NRXN3: variants seen among roughly 807,000 people sequenced by gnomAD.
The protein encoded by NRXN3 is neurexin III.
Under a neutral mutation model 137.6 loss-of-function variants are expected in NRXN3, and 32 were observed. The observed-to-expected ratio is 0.23, with a 90% confidence interval of 0.18 to 0.31. The LOEUF (loss-of-function observed/expected upper bound fraction) is 0.31. NRXN3 is among the 10% of genes least tolerant of loss of function. The probability of loss-of-function intolerance (pLI) is 1.00; values close to 1 mark genes in which losing one functional copy is unlikely to be tolerated. For missense variants in NRXN3, 1,574 were observed against 2,062.5 expected (o/e 0.76, Z 4.59); for synonymous variants, 798 against 784.5 (o/e 1.02, Z -0.29).
At chr14:78,363,442 G>A (rs1010266662) in intron 4 of NRXN3, among the ~76,000 whole-genome samples, 7 of 152,174 alleles carry the variant, frequency 4.6e-5, no homozygotes, top group South Asian at 2.1e-4. Flanking sequence ...ATTCTATCAG[G>A]TATAGCTGCT....
chr14:79,204,628 A>G (rs935278142), intron 15 of NRXN3, among the ~76,000 whole-genome samples: 2 of 152,146 alleles, frequency 1.3e-5, no homozygotes, highest in Admixed American at 6.6e-5. Flanking sequence ...TTAAGTCATC[A>G]TCAATTAAAC....
chr14:78,983,234 G>A (rs544549175), intron 14 of NRXN3, among the ~76,000 whole-genome samples: 1 of 152,308 alleles, frequency 6.6e-6, no homozygotes, highest in South Asian at 2.1e-4. Flanking sequence ...AAAACAGAAT[G>A]GAGGTTCCTC....
chr14:79,436,509 T>G (rs2095847970), intron 15 of NRXN3, among the ~76,000 whole-genome samples: 1 of 152,188 alleles, frequency 6.6e-6, no homozygotes, highest in Non-Finnish European at 1.5e-5. Flanking sequence ...CCCAGCTGTA[T>G]GCCACTGGCT....
At chr14:78,950,838 G>A (rs2099385766) in intron 10 of NRXN3, among the ~76,000 whole-genome samples, 1 of 152,140 alleles carries the variant, frequency 6.6e-6, no homozygotes, top group African/African-American at 2.4e-5. Context: ...CCGGGAGCTG[G>A]TTATCAAGTG....
At chr14:78,881,545 C>T (rs1186199226) in intron 10 of NRXN3, among the ~76,000 whole-genome samples, 3 of 151,184 alleles carry the variant, frequency 2.0e-5, no homozygotes, top group African/African-American at 7.4e-5. Flanking sequence ...GGCATTTTGC[C>T]CCTGCTCTAG....
chr14:79,748,263 A>G (rs1239827462), intron 19 of NRXN3, among the ~76,000 whole-genome samples: 1 of 152,160 alleles, frequency 6.6e-6, no homozygotes, highest in East Asian at 1.9e-4. Flanking sequence ...AACTTAAAAA[A>G]AAGCGCCTCT....
At chr14:79,752,008 A>C (rs1218678296) in intron 19 of NRXN3, among the ~76,000 whole-genome samples, 2 of 152,184 alleles carry the variant, frequency 1.3e-5, no homozygotes, top group African/African-American at 2.4e-5. Context: ...ATCAATGTTC[A>C]TCAAGGATAT....
chr14:79,079,845 G>A (rs148134779), intron 15 of NRXN3, among the ~76,000 whole-genome samples: 4,389 of 151,982 alleles, frequency 0.029, 209 homozygotes, highest in African/African-American at 0.1. Flanking sequence ...AAAATTAGCC[G>A]GGCGTGGTGG....
At chr14:78,707,464 C>T (rs1239067362) in intron 6 of NRXN3, among the ~76,000 whole-genome samples, 1 of 152,098 alleles carries the variant, frequency 6.6e-6, no homozygotes, top group Non-Finnish European at 1.5e-5. Context: ...AATTTCAGTT[C>T]AAATAAGAGT....
chr14:78,770,852 G>A (rs980028115), intron 8 of NRXN3, among the ~76,000 whole-genome samples: 1 of 148,722 alleles, frequency 6.7e-6, no homozygotes, highest in South Asian at 2.2e-4. Flanking sequence ...TTTGGGGTTG[G>A]GGGGGGTACA....
At chr14:78,834,697 T>C (rs2098991447) in intron 10 of NRXN3, among the ~76,000 whole-genome samples, 2 of 152,138 alleles carry the variant, frequency 1.3e-5, no homozygotes, top group South Asian at 4.1e-4. Context: ...TCTCCTGAAC[T>C]GTGTTCCTGA....
At chr14:79,059,769 T>C (rs1273980942) in intron 15 of NRXN3, among the ~76,000 whole-genome samples, 1 of 152,172 alleles carries the variant, frequency 6.6e-6, no homozygotes, top group Non-Finnish European at 1.5e-5. Flanking sequence ...GGATGGTAGA[T>C]GAATATGAGG....
chr14:79,229,788 A>G (rs1033758656), intron 15 of NRXN3, among the ~76,000 whole-genome samples: 2 of 152,076 alleles, frequency 1.3e-5, no homozygotes, highest in African/African-American at 4.8e-5. Flanking sequence ...TTGCGCTGCC[A>G]GCAACAAGCC....
intron 15 of NRXN3, among the ~76,000 whole-genome samples, chr14:79,275,525 C>T (rs1417660869): frequency 6.6e-6 from 1 of 152,038 alleles, no homozygotes; most frequent in Admixed American, 6.5e-5. Flanking sequence ...ATGTACAGTA[C>T]TGTAGAAAAC....
intron 4 of NRXN3, among the ~76,000 whole-genome samples, chr14:78,568,615 G>T (rs183488513): frequency 2.1e-3 from 324 of 152,232 alleles, no homozygotes; most frequent in Non-Finnish European, 3.4e-3. Context: ...TCTTTACACC[G>T]ATTATCTTGT....
chr14:78,785,879 A>C (rs1190482625), intron 8 of NRXN3, among the ~76,000 whole-genome samples: 1 of 152,196 alleles, frequency 6.6e-6, no homozygotes, highest in Non-Finnish European at 1.5e-5. Context: ...ACCTTGATGA[A>C]ACTATATGAT....
intron 6 of NRXN3, among the ~76,000 whole-genome samples, chr14:78,704,892 G>T (rs2098329976): frequency 6.6e-6 from 1 of 152,080 alleles, no homozygotes; most frequent in African/African-American, 2.4e-5. Flanking sequence ...TTTACTCCTG[G>T]TATTGCTCCT....
chr14:78,669,266 GGTA>G (rs60048949), intron 6 of NRXN3, among the ~76,000 whole-genome samples: 32,474 of 151,340 alleles, frequency 0.21, 3,549 homozygotes, highest in South Asian at 0.25. Flanking sequence ...TGGCGGTAAT[GGTA>G]GTAGTAGTAG....
At chr14:78,960,322 A>T (rs1467338692) in intron 11 of NRXN3, among the ~76,000 whole-genome samples, 1 of 152,176 alleles carries the variant, frequency 6.6e-6, no homozygotes, top group Non-Finnish European at 1.5e-5. Flanking sequence ...TAGTTCACAG[A>T]AGTCATAAAA....
Sources: allele counts gnomAD v4.1 joint callset (sites outside exome capture counted in the v4.1 genomes callset), GRCh38; gene constraint gnomAD v4.1.1; transcripts MANE v1.5; gene names NCBI Gene and HGNC (gene_info 2026-07-23, HGNC 2026-07-21).